DKK4: variants seen among roughly 807,000 people sequenced by gnomAD.
DKK4 encodes dickkopf-related protein 4.
In DKK4, 15 loss-of-function variants were observed where a neutral mutation model predicts 14.5. That is an observed-to-expected ratio of 1.03 (90% CI 0.69 to 1.59). DKK4 has a LOEUF of 1.59. Among genes scored for constraint, DKK4 ranks in the 40% most tolerant of loss-of-function variants. The probability of loss-of-function intolerance (pLI) is 0.00; values close to 1 mark genes in which losing one functional copy is unlikely to be tolerated. For missense variants in DKK4, 272 were observed against 280.3 expected (o/e 0.97, Z 0.21); for synonymous variants, 89 against 105.2 (o/e 0.85, Z 0.94).
At chr8:42,389,722 C>A in the DKK4 span, among the ~76,000 whole-genome samples, 3,558 of 152,224 alleles carry the variant, frequency 0.023, 97 homozygotes, top group South Asian at 0.11. Context: ...CACACATATA[C>A]GTTCCACCTC....
At chr8:42,380,312 G>A (rs1172764690), upstream of DKK4, among the ~76,000 whole-genome samples, 4 of 149,590 alleles carry the variant, frequency 2.7e-5, no homozygotes, top group Non-Finnish European at 3.0e-5. Context: ...GTGACAGAGC[G>A]AGACCCTGTC....
At chr8:42,385,933 T>C in the DKK4 span, among the ~76,000 whole-genome samples, 2 of 152,246 alleles carry the variant, frequency 1.3e-5, no homozygotes, top group African/African-American at 4.8e-5. Context: ...TGTATACATA[T>C]GTACATGCAG....
rs35249735 is a variant in DKK4 at position 42,374,327 on chromosome 8, C to A, written c.448G>T (p.Asp150Tyr). ...GCACAGCAAAGTCCAGGGCCACAGT[C>A]AAAAGTTCTCAGACAACTTTCTCCC... ...QEGESCLRTF[D>Y]CGPGLCCARH... is the part of the protein sequence containing the mutation. The change falls in exon 4 of 4, where the codon GAC becomes TAC. Residue 150 changes from aspartate (D) to tyrosine (Y), a missense_variant. Asp to Tyr is a radical substitution (Grantham distance 160, BLOSUM62 -3). Coordinates refer to ENST00000220812, the MANE Select transcript of DKK4 (RefSeq NM_014420.3). The A allele has an allele frequency of 1.2e-6, 2 of 1,613,500 alleles. No individual in the cohort carries two copies. Among genetic ancestry groups the A allele is most frequent in the African/African-American group, 2.7e-5 (2 of 74,840 alleles).
Position 42,376,927 on chromosome 8 carries a change from A to C in DKK4, c.111+8T>G. The C allele has an allele frequency of 6.2e-7, 1 of 1,612,430 alleles. No individual in the cohort carries two copies. Among genetic ancestry groups the C allele is most frequent in the Non-Finnish European group, 8.5e-7 (1 of 1,179,138 alleles). On this transcript the variant is annotated splice_region_variant and intron_variant, in intron 1 of 3. Coordinates refer to ENST00000220812, the MANE Select transcript of DKK4 (RefSeq NM_014420.3). ...CCCGTACCTCGCCCCCCTCCCTAGC[A>C]GCCTTACCTTCCGGGCCCCATGCAG... is the stretch of plus-strand genomic sequence containing the variant.
In DKK4 at chr8:42,375,821, A is replaced by G; in HGVS notation, c.121T>C (p.Cys41Arg). 1 of 1,614,006 alleles carries G rather than the reference A, an allele frequency of 6.2e-7. No individual in the cohort carries two copies. The highest frequency in any genetic ancestry group is 2.2e-5 in the East Asian group (1 of 44,880). Reference protein sequence around the residue: ...DLHGARKGSQCLSDTDCNTRK... With the variant: ...DLHGARKGSQRLSDTDCNTRK... ...GTATTGCAGTCCGTGTCAGACAGGC[A>G]CTGTGAGCCCTGTGGAGGGAATCTG... Residue 41 changes from cysteine to arginine, a missense_variant, in exon 2 of 4, where the codon TGC becomes CGC. Cys to Arg is a radical substitution (Grantham distance 180). Transcript: ENST00000220812.
At chr8:42,387,459 G>C in the DKK4 span, among the ~76,000 whole-genome samples, 1 of 139,228 alleles carries the variant, frequency 7.2e-6, no homozygotes, top group African/African-American at 2.7e-5. Context: ...CCGGGTTCAA[G>C]TTATTCTCCT....
At chr8:42,384,647 C>A in the DKK4 span, among the ~76,000 whole-genome samples, 2 of 152,114 alleles carry the variant, frequency 1.3e-5, no homozygotes, top group African/African-American at 4.8e-5. Flanking sequence ...CTTGGGGGGC[C>A]TTACCCAGCC....
chr8:42,388,683 C>T, the DKK4 span, among the ~76,000 whole-genome samples: 1 of 151,564 alleles, frequency 6.6e-6, no homozygotes, highest in Non-Finnish European at 1.5e-5. Context: ...TGATTCTCCT[C>T]CCTCAGCCTC....
At chr8:42,387,552 G>A in the DKK4 span, among the ~76,000 whole-genome samples, 3 of 152,040 alleles carry the variant, frequency 2.0e-5, no homozygotes, top group Admixed American at 2.0e-4. Flanking sequence ...TAGAGACAGG[G>A]TTTCACCATG....
chr8:42,383,291 G>C, the DKK4 span, among the ~76,000 whole-genome samples: 3 of 152,230 alleles, frequency 2.0e-5, no homozygotes, highest in Admixed American at 2.0e-4. Flanking sequence ...GGATGCCAGG[G>C]TGGCTGGTGC....
At chr8:42,386,490 C>T in the DKK4 span, among the ~76,000 whole-genome samples, 1 of 151,928 alleles carries the variant, frequency 6.6e-6, no homozygotes, top group Non-Finnish European at 1.5e-5. Flanking sequence ...GTTCTTTTGG[C>T]TTTGCTTTGC....
At chr8:42,380,827 GGA>G, upstream of DKK4, among the ~76,000 whole-genome samples, 1 of 121,112 alleles carries the variant, frequency 8.3e-6, no homozygotes, top group African/African-American at 3.5e-5. Context: ...AAGGAAGGAA[GGA>G]AGGGAGGAAA....
chr8:42,380,649 AGAAAGG>A (rs536436164), upstream of DKK4, among the ~76,000 whole-genome samples: 12,567 of 138,292 alleles, frequency 0.091, 928 homozygotes, highest in African/African-American at 0.26. Flanking sequence ...AGAAAGTGAG[AGAAAGG>A]AAGGAAGAAA....
At chr8:42,376,912 G>A (rs1346304983) in intron 1 of DKK4, 23 bp downstream of exon 1, 37 of 1,596,182 alleles carry the variant, frequency 2.3e-5, no homozygotes, top group Middle Eastern at 1.7e-4. Context: ...CCCGTACCTC[G>A]CCCCCCTCCC....
upstream of DKK4, among the ~76,000 whole-genome samples, chr8:42,379,351 C>CTA (rs71548581): frequency 0.027 from 231 of 8,686 alleles, 17 homozygotes; most frequent in South Asian, 0.057. Context: ...GAGATTAAGC[C>CTA]TATATATATA....
At chr8:42,377,316 A>G (rs555404539), upstream of DKK4, 2 of 427,608 alleles carry the variant, frequency 4.7e-6, no homozygotes, top group African/African-American at 3.9e-5. Flanking sequence ...ACAGGCTTCA[A>G]CAAATCCCTT....
At chr8:42,379,102 C>T (rs544198919), upstream of DKK4, among the ~76,000 whole-genome samples, 3 of 150,398 alleles carry the variant, frequency 2.0e-5, no homozygotes, top group East Asian at 3.9e-4. Context: ...AATATAAAAA[C>T]TAGTCGGGCG....
the DKK4 span, among the ~76,000 whole-genome samples, chr8:42,387,890 TA>T: frequency 1.3e-5 from 2 of 152,138 alleles, no homozygotes; most frequent in African/African-American, 4.8e-5. Context: ...AAATTTCCAT[TA>T]AAAAAATTTT....
chr8:42,375,904 G>A, intron 1 of DKK4, 74 bp from the exon 2 acceptor site: 1 of 1,541,986 alleles, frequency 6.5e-7, no homozygotes, highest in East Asian at 2.4e-5. Context: ...ATTGAAGGCA[G>A]GAGGCGGAGG....
Sources: gnomAD v4.1 joint callset for allele counts (sites outside exome capture counted in the v4.1 genomes callset) on GRCh38, gnomAD v4.1.1 for gene constraint, MANE v1.5 for transcripts, NCBI Gene and HGNC (gene_info 2026-07-23, HGNC 2026-07-21) for gene names.